TYW1: variants seen among roughly 807,000 people sequenced by gnomAD.
The protein encoded by TYW1 is S-adenosyl-L-methionine-dependent tRNA 4-demethylwyosine synthase TYW1.
In TYW1, 46 loss-of-function variants were observed where a neutral mutation model predicts 96.2. That is an observed-to-expected ratio of 0.48 (90% CI 0.38 to 0.61). TYW1 has a LOEUF of 0.61. Ranked by LOEUF, TYW1 falls within the 20% of genes least tolerant of loss-of-function variation. The probability of loss-of-function intolerance (pLI) is 0.00; values close to 1 mark genes in which losing one functional copy is unlikely to be tolerated. For missense variants in TYW1, 684 were observed against 909.6 expected (o/e 0.75, Z 3.19); for synonymous variants, 274 against 323.0 (o/e 0.85, Z 1.63).
chr7:67,235,229 A>T (rs1801846462), intron 15 of TYW1, among the ~76,000 whole-genome samples: 1 of 152,194 alleles, frequency 6.6e-6, no homozygotes, highest in East Asian at 1.9e-4. Context: ...GATTTATCAC[A>T]CCTGTCCCTG....
chr7:67,105,811 G>C (rs1797221370), intron 12 of TYW1, among the ~76,000 whole-genome samples: 1 of 151,398 alleles, frequency 6.6e-6, no homozygotes, highest in African/African-American at 2.4e-5. Context: ...TGAGTAAGGA[G>C]AGAATATTCT....
chr7:67,055,501 A>T (rs1454339883), intron 8 of TYW1, among the ~76,000 whole-genome samples: 1 of 151,628 alleles, frequency 6.6e-6, no homozygotes, highest in Non-Finnish European at 1.5e-5. Context: ...CGGGAGTCTG[A>T]GGCATGAGAA....
intron 11 of TYW1, among the ~76,000 whole-genome samples, chr7:67,089,661 G>T (rs1455555111): frequency 6.6e-6 from 1 of 152,150 alleles, no homozygotes; most frequent in African/African-American, 2.4e-5. Context: ...CCAGTCCTGA[G>T]CAGCTTTGGA....
At position 67,186,389 on chromosome 7, in the gene TYW1, TG is replaced by T. The variant is rs753326958; in HGVS notation, c.1809+3155del. Among the ~76,000 whole-genome samples, 11 of 151,990 alleles carry T rather than the reference TG, an allele frequency of 7.2e-5. No homozygotes were observed. In the South Asian group the frequency reaches 2.3e-3, roughly 32 times the overall value. ...TATTTTTTAAAGAATGACAGCTACT[TG>T]GTAAACAGTATACTTCTCTGATGGG... On this transcript the variant is annotated intron_variant, in intron 14 of 15. Coordinates refer to ENST00000359626, the MANE Select transcript of TYW1 (RefSeq NM_018264.4).
chr7:67,112,437 A>G (rs13244290), intron 12 of TYW1, among the ~76,000 whole-genome samples: 25 of 151,986 alleles, frequency 1.6e-4, no homozygotes, highest in Non-Finnish European at 2.8e-4. Flanking sequence ...CCAACATGGC[A>G]AAACCCCATC....
At chr7:67,056,749 C>G (rs1371004107) in intron 9 of TYW1, among the ~76,000 whole-genome samples, 2 of 152,096 alleles carry the variant, frequency 1.3e-5, no homozygotes, top group South Asian at 4.1e-4. Flanking sequence ...GAGCATTCTT[C>G]ACAAGACTTT....
At chr7:67,159,477 A>G (rs1235637616) in intron 13 of TYW1, among the ~76,000 whole-genome samples, 1 of 152,168 alleles carries the variant, frequency 6.6e-6, no homozygotes, top group Admixed American at 6.5e-5. Context: ...AAACAATAAC[A>G]TATATGTCTG....
chr7:67,058,206 T>C (rs367685103), intron 9 of TYW1, among the ~76,000 whole-genome samples: 11 of 152,242 alleles, frequency 7.2e-5, no homozygotes, highest in African/African-American at 2.2e-4. Flanking sequence ...AGTGCTGAGG[T>C]TACAGGCGTA....
At chr7:67,013,827 T>C (rs1450946502) in intron 4 of TYW1, among the ~76,000 whole-genome samples, 2 of 143,296 alleles carry the variant, frequency 1.4e-5, no homozygotes, top group Non-Finnish European at 3.0e-5. Context: ...CGCTGCAAGC[T>C]CTGCCTCCTG....
At chr7:67,195,420 A>G (rs2116343762) in intron 15 of TYW1, 83 bp downstream of exon 15, 2 of 1,595,914 alleles carry the variant, frequency 1.3e-6, no homozygotes, top group South Asian at 1.1e-5. Flanking sequence ...TTCCTCTTAC[A>G]TTGTTATAGG....
In TYW1 at chr7:67,061,369, G is replaced by A. The variant is rs1485741340; in HGVS notation, c.1155+5482G>A. Among the ~76,000 whole-genome samples, 10 of 152,156 alleles carry A rather than the reference G, an allele frequency of 6.6e-5. No individual in the cohort carries two copies. In the South Asian group the frequency reaches 2.1e-3, roughly 32 times the overall value. ...TAACAAGAACTTTAAAACAATGCACGGGGCTACAAACTGTAATAAGAATAG... is the reference window on the plus strand; with the variant it reads ...TAACAAGAACTTTAAAACAATGCACAGGGCTACAAACTGTAATAAGAATAG... On this transcript the variant is annotated intron_variant, in intron 9 of 15. Transcript: ENST00000359626.
At chr7:67,108,183 G>C (rs1057130106) in intron 12 of TYW1, among the ~76,000 whole-genome samples, 3 of 151,884 alleles carry the variant, frequency 2.0e-5, no homozygotes, top group African/African-American at 4.8e-5. Flanking sequence ...AGACAAGATG[G>C]ACATTTCTTA....
At chr7:67,143,326 G>A (rs1466582141) in intron 13 of TYW1, among the ~76,000 whole-genome samples, 2 of 152,210 alleles carry the variant, frequency 1.3e-5, no homozygotes, top group African/African-American at 4.8e-5. Context: ...AGCGTGAGGA[G>A]AGATGCTGAC....
At chr7:67,042,544 A>C (rs1241927593) in intron 7 of TYW1, among the ~76,000 whole-genome samples, 1 of 152,182 alleles carries the variant, frequency 6.6e-6, no homozygotes, top group African/African-American at 2.4e-5. Flanking sequence ...GAGCTGTGAC[A>C]TAGAGAAGGA....
chr7:67,066,034 CACA>C (rs1256069350), intron 9 of TYW1, among the ~76,000 whole-genome samples: 14 of 71,956 alleles, frequency 1.9e-4, no homozygotes, highest in East Asian at 7.8e-4. Flanking sequence ...CACACACACC[CACA>C]CCCCTATACA....
At chr7:67,207,289 C>G (rs6955443) in intron 15 of TYW1, among the ~76,000 whole-genome samples, 1 of 151,930 alleles carries the variant, frequency 6.6e-6, no homozygotes, top group Non-Finnish European at 1.5e-5. Context: ...TTCCTTCATC[C>G]GCTTTCCTTT....
intron 14 of TYW1, among the ~76,000 whole-genome samples, chr7:67,189,632 A>G (rs34463275): frequency 0.29 from 43,914 of 151,878 alleles, 7,032 homozygotes; most frequent in African/African-American, 0.43. Context: ...AATTCTGTCA[A>G]TATTAAAATT....
intron 12 of TYW1, among the ~76,000 whole-genome samples, chr7:67,115,987 A>C (rs1313320178): frequency 6.6e-6 from 1 of 152,138 alleles, no homozygotes; most frequent in Non-Finnish European, 1.5e-5. Flanking sequence ...GAAGAGATTG[A>C]ATTATGAGAC....
At chr7:67,062,566 C>CAAGAAAAAAAAA (rs1554355552) in intron 9 of TYW1, among the ~76,000 whole-genome samples, 1 of 89,158 alleles carries the variant, frequency 1.1e-5, no homozygotes, top group Admixed American at 1.3e-4. Flanking sequence ...GACTCCGTCT[C>CAAGAAAAAAAAA]AAAAAAAAAA....
Sources: allele counts gnomAD v4.1 joint callset (sites outside exome capture counted in the v4.1 genomes callset), GRCh38; gene constraint gnomAD v4.1.1; transcripts MANE v1.5; gene names NCBI Gene and HGNC (gene_info 2026-07-23, HGNC 2026-07-21).